STXBP5L: variants seen among roughly 807,000 people sequenced by gnomAD.
STXBP5L encodes syntaxin binding protein 5L, also known as syntaxin-binding protein 5-like.
STXBP5L carries 65 observed loss-of-function variants against 144.5 expected under a neutral mutation model. The ratio of observed to expected loss-of-function variants is 0.45; its 90% CI spans 0.37 to 0.55. STXBP5L has a LOEUF of 0.55. Among genes scored for constraint, STXBP5L ranks in the 20% least tolerant of loss-of-function variants. STXBP5L has a pLI of 0.00. For missense variants in STXBP5L, 1,298 were observed against 1,405.5 expected (o/e 0.92, Z 1.22); for synonymous variants, 505 against 469.6 (o/e 1.08, Z -0.97).
intron 3 of STXBP5L, among the ~76,000 whole-genome samples, chr3:121,018,830 T>C (rs1427228834): frequency 1.3e-5 from 2 of 152,192 alleles, no homozygotes; most frequent in East Asian, 1.9e-4. Context: ...TTTTACTTCA[T>C]GAATTACTGC....
At chr3:120,932,966 A>G (rs1283147445) in intron 2 of STXBP5L, among the ~76,000 whole-genome samples, 1 of 148,762 alleles carries the variant, frequency 6.7e-6, no homozygotes, top group Non-Finnish European at 1.5e-5. Context: ...CAAACACCAC[A>G]TGTTCTCACT....
At chr3:121,136,054 G>A (rs1209121179) in intron 7 of STXBP5L, among the ~76,000 whole-genome samples, 4 of 152,274 alleles carry the variant, frequency 2.6e-5, no homozygotes, top group South Asian at 4.1e-4. Flanking sequence ...AAACCTCAGT[G>A]GCAGGCAGAT....
intron 7 of STXBP5L, among the ~76,000 whole-genome samples, chr3:121,141,110 A>C (rs779052739): frequency 1.3e-5 from 2 of 152,210 alleles, no homozygotes; most frequent in Non-Finnish European, 2.9e-5. Flanking sequence ...AGCAGAAGGA[A>C]GTGTGAAACT....
chr3:121,195,220 G>A (rs749430088), intron 9 of STXBP5L, among the ~76,000 whole-genome samples: 4 of 151,970 alleles, frequency 2.6e-5, no homozygotes, highest in East Asian at 1.9e-4. Flanking sequence ...CACCGTGCCC[G>A]GCCTTTGCTC....
chr3:121,351,959 A>G (rs376882823), intron 20 of STXBP5L, among the ~76,000 whole-genome samples: 1 of 151,914 alleles, frequency 6.6e-6, no homozygotes, highest in East Asian at 1.9e-4. Context: ...CCCATTTCTT[A>G]TTTTTGTCAG....
At chr3:121,008,800 A>T (rs1487354976) in intron 3 of STXBP5L, among the ~76,000 whole-genome samples, 1 of 152,034 alleles carries the variant, frequency 6.6e-6, no homozygotes, top group Non-Finnish European at 1.5e-5. Context: ...TGTTGAGGCT[A>T]AATCACTTTA....
chr3:121,134,473 T>A (rs564483264), intron 7 of STXBP5L, among the ~76,000 whole-genome samples: 293 of 152,272 alleles, frequency 1.9e-3, no homozygotes, highest in Middle Eastern at 3.4e-3. Context: ...GTTACATATG[T>A]ATACATGTGC....
chr3:121,029,308 G>A (rs919930894), intron 3 of STXBP5L, among the ~76,000 whole-genome samples: 2 of 152,216 alleles, frequency 1.3e-5, no homozygotes, highest in African/African-American at 2.4e-5. Context: ...AACCAAAACA[G>A]CATGGTACTG....
At chr3:121,293,358 AG>A (rs1204462250) in intron 19 of STXBP5L, among the ~76,000 whole-genome samples, 3 of 152,198 alleles carry the variant, frequency 2.0e-5, no homozygotes, top group African/African-American at 4.8e-5. Flanking sequence ...GGGTTACAAA[AG>A]GGCACAAAGA....
At chr3:121,367,448 T>G (rs551738475) in intron 20 of STXBP5L, among the ~76,000 whole-genome samples, 1 of 152,130 alleles carries the variant, frequency 6.6e-6, no homozygotes, top group Non-Finnish European at 1.5e-5. Context: ...GCATTTTAAA[T>G]ATATTGATTC....
intron 19 of STXBP5L, among the ~76,000 whole-genome samples, chr3:121,295,864 G>A (rs565877653): frequency 1.3e-5 from 2 of 152,248 alleles, no homozygotes; most frequent in South Asian, 4.1e-4. Flanking sequence ...AAATTTTAAA[G>A]TGTAGACTAT....
At chr3:120,977,596 G>T (rs943747540) in intron 3 of STXBP5L, among the ~76,000 whole-genome samples, 1 of 152,100 alleles carries the variant, frequency 6.6e-6, no homozygotes, top group African/African-American at 2.4e-5. Context: ...TATGATGTTA[G>T]CTGGTTATTT....
chr3:121,370,808 C>T (rs768201118), intron 20 of STXBP5L, among the ~76,000 whole-genome samples: 14 of 152,156 alleles, frequency 9.2e-5, no homozygotes, highest in Non-Finnish European at 2.1e-4. Flanking sequence ...GTTGTTAATA[C>T]TTGTGATTGC....
intron 20 of STXBP5L, among the ~76,000 whole-genome samples, chr3:121,324,036 G>T (rs991124440): frequency 6.6e-6 from 1 of 152,092 alleles, no homozygotes; most frequent in African/African-American, 2.4e-5. Context: ...ATTAGGTCCT[G>T]ACACTGCTGC....
At chr3:121,204,170 C>A (rs2048245427) in intron 9 of STXBP5L, among the ~76,000 whole-genome samples, 1 of 152,100 alleles carries the variant, frequency 6.6e-6, no homozygotes, top group South Asian at 2.1e-4. Flanking sequence ...ACCCAGGAGG[C>A]AGAGGTTGCA....
Position 121,259,182 on chromosome 3 carries a change from C to G in STXBP5L, c.1958+14C>G, listed in dbSNP as rs749951777. On this transcript the variant is annotated intron_variant, in intron 18 of 26. Coordinates refer to ENST00000471454, the MANE Select transcript of STXBP5L (RefSeq NM_001308330.2). The stretch of plus-strand genomic sequence containing the variant: ...AGCATATGGAATGTAAGTAATTAAA[C>G]TTTTTTATGATATGTATTATTTAGC... 40 of 1,519,780 alleles carry G rather than the reference C, an allele frequency of 2.6e-5. No individual in the cohort carries two copies. The highest frequency in any genetic ancestry group is 3.9e-5 in the Admixed American group (2 of 51,464). 94.1% of individuals were successfully genotyped at this position (1,519,780 alleles called of 1,614,324 possible). A position where few individuals can be genotyped will look rare whatever the true frequency, so the allele number is the denominator to read the frequency against.
intron 9 of STXBP5L, among the ~76,000 whole-genome samples, chr3:121,189,291 T>C (rs1577159269): frequency 6.6e-6 from 1 of 152,370 alleles, no homozygotes; most frequent in East Asian, 1.9e-4. Flanking sequence ...CATGAAGTCC[T>C]TGCCCATGCC....
intron 5 of STXBP5L, among the ~76,000 whole-genome samples, chr3:121,089,112 A>T (rs919351620): frequency 2.6e-5 from 3 of 113,518 alleles, no homozygotes; most frequent in Admixed American, 2.0e-4. Flanking sequence ...AAAAAAAAAA[A>T]AAAAAAGAAG....
chr3:121,200,709 G>A (rs532562756), intron 9 of STXBP5L, among the ~76,000 whole-genome samples: 111 of 152,070 alleles, frequency 7.3e-4, no homozygotes, highest in African/African-American at 2.6e-3. Flanking sequence ...GTTTCAAATA[G>A]CTTATTTATT....
Sources: gnomAD v4.1 joint callset for allele counts (sites outside exome capture counted in the v4.1 genomes callset) on GRCh38, gnomAD v4.1.1 for gene constraint, MANE v1.5 for transcripts, NCBI Gene and HGNC (gene_info 2026-07-23, HGNC 2026-07-21) for gene names.